IHO1: variants seen among roughly 807,000 people sequenced by gnomAD.
IHO1 encodes interactor of HORMAD1 protein 1.
A neutral mutation model predicts 31.0 loss-of-function variants in IHO1; 13 were observed. The ratio of observed to expected loss-of-function variants is 0.42; its 90% CI spans 0.27 to 0.67. The LOEUF is 0.67. Ranked by LOEUF, IHO1 falls within the 30% of genes least tolerant of loss-of-function variation. The pLI is 0.24. For synonymous variants in IHO1, 221 were observed against 248.4 expected (o/e 0.89, Z 1.04); for missense variants, 599 against 687.5 (o/e 0.87, Z 1.44).
intron 6 of IHO1, chr3:49,252,409 C>T (rs2107741081): frequency 6.6e-6 from 1 of 152,634 alleles, no homozygotes; most frequent in East Asian, 1.9e-4. Flanking sequence ...TTTCTTACTG[C>T]TTTTTTCTTT....
At position 49,236,150 on chromosome 3, in the gene IHO1, A is replaced by G. The variant is rs532779528; in HGVS notation, c.57-398A>G. Among the ~76,000 whole-genome samples, 604 of 152,286 alleles carry G rather than the reference A, an allele frequency of 4.0e-3. 3 individuals carry two copies. Among genetic ancestry groups the G allele is most frequent in the Non-Finnish European group, 6.7e-3 (458 of 68,022 alleles). On this transcript the variant is annotated intron_variant, in intron 2 of 7. Transcript: ENST00000452691. ...TAGCTACCCAGGAGGCTGAGGCTGCAGTGAGCCGAGATCATGCCACTGCAC... is the reference window on the plus strand; with the variant it reads ...TAGCTACCCAGGAGGCTGAGGCTGCGGTGAGCCGAGATCATGCCACTGCAC...
intron 2 of IHO1, chr3:49,228,270 C>G (rs1277021083): frequency 2.2e-6 from 1 of 445,776 alleles, no homozygotes; most frequent in East Asian, 7.1e-5. Context: ...CAACCTTTAT[C>G]TCAGCCCGGA....
chr3:49,202,014 A>G (rs1469697565), intron 1 of IHO1, among the ~76,000 whole-genome samples: 1 of 152,214 alleles, frequency 6.6e-6, no homozygotes, highest in Non-Finnish European at 1.5e-5. Context: ...TTTTTAACTC[A>G]TTAAACAAGA....
chr3:49,237,887 CTT>C (rs574951773), intron 3 of IHO1, among the ~76,000 whole-genome samples: 5 of 51,436 alleles, frequency 9.7e-5, no homozygotes, highest in African/African-American at 1.6e-4. Context: ...CTGTCTTTTC[CTT>C]TTTTTTTTTT....
At chr3:49,233,445 A>C (rs773077657) in intron 2 of IHO1, among the ~76,000 whole-genome samples, 1 of 152,252 alleles carries the variant, frequency 6.6e-6, no homozygotes, top group Non-Finnish European at 1.5e-5. Context: ...CATCCCAGGC[A>C]CACCTGACCT....
intron 3 of IHO1, among the ~76,000 whole-genome samples, chr3:49,237,339 T>C (rs2046572469): frequency 6.6e-6 from 1 of 152,126 alleles, no homozygotes; most frequent in Admixed American, 6.6e-5. Context: ...AGAGCATGAC[T>C]CTGTCTCAAA....
At chr3:49,223,517 C>G (rs953781448) in intron 2 of IHO1, among the ~76,000 whole-genome samples, 32 of 152,066 alleles carry the variant, frequency 2.1e-4, no homozygotes, top group African/African-American at 7.5e-4. Flanking sequence ...CGGTGAAACC[C>G]CGTCTCTACT....
chr3:49,228,850 C>A (rs1376251160), intron 2 of IHO1, among the ~76,000 whole-genome samples: 1 of 152,194 alleles, frequency 6.6e-6, no homozygotes, highest in East Asian at 1.9e-4. Context: ...TGGAAGGAGA[C>A]CTGAGCGGGT....
At chr3:49,198,990 G>A (rs957514570), upstream of IHO1, 3 of 152,692 alleles carry the variant, frequency 2.0e-5, no homozygotes, top group Non-Finnish European at 4.4e-5. Flanking sequence ...TCTGTGCTCT[G>A]GCCCCTGGCC....
intron 2 of IHO1, among the ~76,000 whole-genome samples, chr3:49,229,405 G>A (rs769121098): frequency 7.9e-5 from 12 of 152,204 alleles, no homozygotes; most frequent in Non-Finnish European, 1.8e-4. Context: ...GTACAAACAG[G>A]AGTCATTGAT....
At chr3:49,226,104 T>C (rs2046413881) in intron 2 of IHO1, among the ~76,000 whole-genome samples, 1 of 152,214 alleles carries the variant, frequency 6.6e-6, no homozygotes, top group African/African-American at 2.4e-5. Flanking sequence ...TAACAAGCCC[T>C]ACCAGGTAAT....
intron 2 of IHO1, among the ~76,000 whole-genome samples, chr3:49,233,138 C>T (rs1054498866): frequency 4.6e-5 from 7 of 152,132 alleles, no homozygotes; most frequent in African/African-American, 7.2e-5. Context: ...TGAATTGCAC[C>T]TCTCAGTCAG....
chr3:49,234,009 A>C (rs1385697924), intron 2 of IHO1, among the ~76,000 whole-genome samples: 1 of 152,152 alleles, frequency 6.6e-6, no homozygotes, highest in East Asian at 1.9e-4. Flanking sequence ...GTTAATCTAT[A>C]ATCTATAGAA....
At chr3:49,234,785 A>G (rs73084135) in intron 2 of IHO1, among the ~76,000 whole-genome samples, 10,659 of 152,204 alleles carry the variant, frequency 0.07, 514 homozygotes, top group Middle Eastern at 0.1. Context: ...ACTCAGTTAC[A>G]TAATTGTTTG....
In IHO1 at chr3:49,220,319, C is replaced by G. The variant is rs745574602; in HGVS notation, c.56+8483C>G. On this transcript the variant is annotated intron_variant, in intron 2 of 7. Transcript: ENST00000452691. ...TCTGTGTACAATGCCTGTCCCCCAC[C>G]ACAGCTGGTAGTGCCGCAGTAGATT... 5.3e-5 allele frequency among the ~76,000 whole-genome samples: 8 copies of G among 152,196 alleles called. 1 individual carries two copies. Among genetic ancestry groups the G allele is most frequent in the African/African-American group, 7.2e-5 (3 of 41,442 alleles).
Position 49,241,345 on chromosome 3 carries a change from A to AGGAGAAAAAG in IHO1, c.351_352insGGAGAAAAAG (p.Gln118GlyfsTer6). ...TTGGAAAATCAAAAGGCCTCTTGGA[A>AGGAGAAAAAG]CAGTTTGAGGAGAAAAAGAAAAGGG... On this transcript the variant is annotated frameshift_variant, in exon 4 of 8. Coordinates refer to ENST00000452691, the MANE Select transcript of IHO1 (RefSeq NM_001135197.2). LOFTEE classifies it high-confidence loss of function. The AGGAGAAAAAG allele has an allele frequency of 6.2e-7, 1 of 1,613,614 alleles. No homozygotes were observed. The highest frequency in any genetic ancestry group is 2.2e-5 in the East Asian group (1 of 44,846).
intron 1 of IHO1, among the ~76,000 whole-genome samples, chr3:49,207,370 C>T (rs1360178841): frequency 1.3e-5 from 2 of 151,026 alleles, no homozygotes; most frequent in South Asian, 2.1e-4. Flanking sequence ...CTCAGCCTCC[C>T]GAGTAGCTGG....
chr3:49,225,827 C>T (rs1257029218), intron 2 of IHO1, among the ~76,000 whole-genome samples: 5 of 152,138 alleles, frequency 3.3e-5, no homozygotes, highest in East Asian at 1.9e-4. Context: ...AAGGCCGTGC[C>T]GGTGTTCAGG....
At chr3:49,198,221 GT>G (rs1367151723), upstream of IHO1, among the ~76,000 whole-genome samples, 1 of 152,142 alleles carries the variant, frequency 6.6e-6, no homozygotes, top group South Asian at 2.1e-4. Context: ...CACAAATCAG[GT>G]TTTCATCCTC....
Sources: allele counts gnomAD v4.1 joint callset (sites outside exome capture counted in the v4.1 genomes callset), GRCh38; gene constraint gnomAD v4.1.1; transcripts MANE v1.5; gene names NCBI Gene and HGNC (gene_info 2026-07-23, HGNC 2026-07-21).